Variants in PEBP4 observed in about 807,000 individuals in gnomAD.
PEBP4 encodes phosphatidylethanolamine-binding protein 4.
PEBP4 carries 22 observed loss-of-function variants against 23.9 expected under a neutral mutation model. That is an observed-to-expected ratio of 0.92 (90% confidence interval 0.66 to 1.31). The LOEUF is 1.31. Ranked by LOEUF, PEBP4 falls within the 40% of genes most tolerant of loss-of-function variation. The pLI is 0.00. For missense variants in PEBP4, 324 were observed against 281.7 expected (o/e 1.15, Z -1.07); for synonymous variants, 112 against 99.3 (o/e 1.13, Z -0.76).
intron 3 of PEBP4, among the ~76,000 whole-genome samples, chr8:22,907,632 C>G (rs186037006): frequency 6.6e-6 from 1 of 152,136 alleles, no homozygotes; most frequent in Admixed American, 6.5e-5. Flanking sequence ...TGGGCTGGCT[C>G]ACACCAGGTC....
chr8:22,837,081 C>A (rs1807219462), intron 3 of PEBP4, among the ~76,000 whole-genome samples: 2 of 152,226 alleles, frequency 1.3e-5, no homozygotes, highest in Non-Finnish European at 2.9e-5. Flanking sequence ...TCTTTCGACT[C>A]TTCCCTCTCA....
intron 3 of PEBP4, among the ~76,000 whole-genome samples, chr8:22,843,785 C>T (rs971560751): frequency 6.6e-6 from 1 of 152,072 alleles, no homozygotes; most frequent in Admixed American, 6.5e-5. Flanking sequence ...CTGGGAAGCT[C>T]GAAGAGCCTG....
At chr8:22,915,689 C>CCTCCACATGTAGGAGAGGAGA (rs1313591100) in intron 3 of PEBP4, among the ~76,000 whole-genome samples, 6 of 152,316 alleles carry the variant, frequency 3.9e-5, no homozygotes, top group African/African-American at 9.6e-5. Flanking sequence ...CACTTGACCG[C>CCTCCACATGTAGGAGAGGAGA]CTCCACATGT....
At chr8:22,871,459 C>T (rs1808005280) in intron 3 of PEBP4, among the ~76,000 whole-genome samples, 1 of 147,272 alleles carries the variant, frequency 6.8e-6, no homozygotes. Flanking sequence ...CCATAACATT[C>T]TTTTTTTTTC....
At chr8:22,883,491 G>A (rs1303005631) in intron 3 of PEBP4, among the ~76,000 whole-genome samples, 4 of 151,924 alleles carry the variant, frequency 2.6e-5, no homozygotes, top group Admixed American at 1.3e-4. Context: ...CCCTCTCCAG[G>A]GAAGGTTGTA....
intron 3 of PEBP4, among the ~76,000 whole-genome samples, chr8:22,868,105 G>A (rs776675424): frequency 3.9e-5 from 6 of 152,128 alleles, no homozygotes; most frequent in Non-Finnish European, 7.3e-5. Flanking sequence ...TGGGGGTTGG[G>A]TCCCCCTCTG....
chr8:22,812,267 G>A (rs533381509), intron 4 of PEBP4, among the ~76,000 whole-genome samples: 1 of 152,154 alleles, frequency 6.6e-6, no homozygotes, highest in African/African-American at 2.4e-5. Context: ...CATAATTCTT[G>A]CCCTGTTTAT....
chr8:22,934,216 T>C (rs1329688380), intron 1 of PEBP4, among the ~76,000 whole-genome samples: 1 of 152,142 alleles, frequency 6.6e-6, no homozygotes, highest in African/African-American at 2.4e-5. Context: ...ATCTAAATTA[T>C]AGCACAGGAT....
intron 2 of PEBP4, chr8:22,925,053 A>T (rs1255516606): frequency 2.0e-6 from 2 of 985,174 alleles, no homozygotes; most frequent in Non-Finnish European, 2.4e-6. Context: ...GGGGATCTTG[A>T]GGAGGGGTCA....
chr8:22,822,063 G>T (rs1325363076), intron 3 of PEBP4, among the ~76,000 whole-genome samples: 1 of 151,838 alleles, frequency 6.6e-6, no homozygotes, highest in African/African-American at 2.4e-5. Flanking sequence ...TGCCAAGAGA[G>T]AAATGAAGGA....
intron 3 of PEBP4, among the ~76,000 whole-genome samples, chr8:22,871,943 G>A (rs1289238414): frequency 2.0e-5 from 3 of 151,888 alleles, no homozygotes; most frequent in Admixed American, 6.6e-5. Flanking sequence ...ACCTCCCCCC[G>A]CAAGTCCCCA....
rs191041674 is a variant in PEBP4 at position 22,940,341 on chromosome 8, C to G, written c.145-12621G>C. Among the ~76,000 whole-genome samples the G allele has an allele frequency of 1.8e-3, 279 of 152,240 alleles. 3 individuals carry two copies. The highest frequency in any genetic ancestry group is 0.01 in the Middle Eastern group (3 of 294). On this transcript the variant is annotated intron_variant, in intron 1 of 1. Coordinates refer to the PEBP4 transcript ENST00000522278. ...GCAGTGAGAAATTCACCAAAGTGGC[C>G]TTTCTGAGGAGAATTAGAGAAATGT...
At chr8:22,887,717 A>T (rs531721718) in intron 3 of PEBP4, 1 of 152,264 alleles carries the variant, frequency 6.6e-6, no homozygotes, top group African/African-American at 2.4e-5. Context: ...GTGAGCCATG[A>T]TCATATTTGC....
intron 2 of PEBP4, among the ~76,000 whole-genome samples, chr8:22,924,017 A>G (rs1809270065): frequency 1.3e-5 from 2 of 152,244 alleles, no homozygotes; most frequent in South Asian, 4.1e-4. Context: ...CACATGGGAT[A>G]TGAGGCTGCC....
intron 4 of PEBP4, among the ~76,000 whole-genome samples, chr8:22,801,901 T>C (rs1321866107): frequency 6.6e-6 from 1 of 152,152 alleles, no homozygotes; most frequent in Admixed American, 6.5e-5. Flanking sequence ...CCTGTTTCTA[T>C]GGTGACTCCT....
chr8:22,768,629 G>A (rs1310867931), intron 4 of PEBP4, among the ~76,000 whole-genome samples: 1 of 152,108 alleles, frequency 6.6e-6, no homozygotes, highest in Non-Finnish European at 1.5e-5. Context: ...GTGGGGCCTC[G>A]GCCCAGTCAA....
intron 3 of PEBP4, among the ~76,000 whole-genome samples, chr8:22,850,838 C>T (rs1427955730): frequency 1.3e-5 from 2 of 152,178 alleles, no homozygotes; most frequent in Non-Finnish European, 2.9e-5. Context: ...GGAGGAAGGG[C>T]CTCTCATTGC....
At chr8:22,851,381 A>G (rs1807546116) in intron 3 of PEBP4, among the ~76,000 whole-genome samples, 1 of 151,976 alleles carries the variant, frequency 6.6e-6, no homozygotes, top group South Asian at 2.1e-4. Flanking sequence ...GAAGGAATAT[A>G]CTCCCATCAA....
chr8:22,769,397 C>G (rs1805673819), intron 4 of PEBP4, among the ~76,000 whole-genome samples: 1 of 152,234 alleles, frequency 6.6e-6, no homozygotes, highest in South Asian at 2.1e-4. Flanking sequence ...TTGGTCCTGT[C>G]TCAGTGGCTC....
Sources: gnomAD v4.1 joint callset for allele counts (sites outside exome capture counted in the v4.1 genomes callset) on GRCh38, gnomAD v4.1.1 for gene constraint, MANE v1.5 for transcripts, NCBI Gene and HGNC (gene_info 2026-07-23, HGNC 2026-07-21) for gene names.